MTMR10: variants seen among roughly 807,000 people sequenced by gnomAD.
MTMR10 encodes myotubularin-related protein 10.
A neutral mutation model predicts 88.1 loss-of-function variants in MTMR10; 56 were observed. The ratio of observed to expected loss-of-function variants is 0.64; its 90% confidence interval spans 0.51 to 0.79. The LOEUF (loss-of-function observed/expected upper bound fraction) is 0.79, where lower values mean the gene tolerates loss of function less well. Ranked by LOEUF, MTMR10 falls within the 30% of genes least tolerant of loss-of-function variation. The pLI, the probability that MTMR10 is intolerant of heterozygous loss-of-function variation, is 0.00. For synonymous variants in MTMR10, 380 were observed against 340.9 expected, an observed-to-expected ratio of 1.11 and a Z score of -1.26; for missense variants, 883 against 924.7, an observed-to-expected ratio of 0.95 and a Z score of 0.58.
rs749397412 is a variant in MTMR10 at position 30,990,792 on chromosome 15, G to A, written c.106C>T (p.Pro36Ser). The A allele has an allele frequency of 6.2e-7, 1 of 1,610,012 alleles. No homozygotes were observed. The highest frequency in any genetic ancestry group is 8.5e-7 in the Non-Finnish European group (1 of 1,178,062). Reference protein sequence around the residue: ...NSEPKIKKLEPVLLPGEIVVN... With the variant: ...NSEPKIKKLESVLLPGEIVVN... ...TAATGTTTACCTGGCAAAAGGACTG[G>A]CTCCAGTTTTTTAATCTTCGGTTCC... Residue 36 changes from proline (P) to serine (S), a missense_variant, in exon 2 of 16, where the codon CCA (proline) becomes TCA (serine). Pro to Ser is a moderately conservative substitution (Grantham distance 74). Coordinates refer to ENST00000435680, the MANE Select transcript of MTMR10 (RefSeq NM_017762.3).
chr15:30,925,887 C>G, the MTMR10 span: 4 of 1,614,208 alleles, frequency 2.5e-6, no homozygotes, highest in Non-Finnish European at 3.4e-6. Context: ...CGGTCCTGTG[C>G]TCTGTGGAGG....
intron 14 of MTMR10, chr15:30,943,288 G>A (rs1462691244): frequency 1.0e-6 from 1 of 985,228 alleles, no homozygotes; most frequent in Admixed American, 6.2e-5. Flanking sequence ...TGCTTTTCAG[G>A]TGCCCTCTGC....
the MTMR10 span, among the ~76,000 whole-genome samples, chr15:30,929,664 AAT>A: frequency 1.0e-4 from 7 of 67,874 alleles, no homozygotes; most frequent in South Asian, 4.2e-4. Flanking sequence ...TAATATATGA[AAT>A]ATATAATATA....
intron 6 of MTMR10, 54 bp from the exon 7 acceptor site, chr15:30,961,127 CCCT>C: frequency 6.7e-7 from 1 of 1,500,336 alleles, no homozygotes; most frequent in Non-Finnish European, 8.9e-7. Flanking sequence ...CCCCAGCATT[CCCT>C]CTTCTCTGAG....
chr15:30,923,794 A>G, the MTMR10 span, among the ~76,000 whole-genome samples: 1 of 152,048 alleles, frequency 6.6e-6, no homozygotes, highest in African/African-American at 2.4e-5. Flanking sequence ...CTGATTTTCA[A>G]TTTCTTGGTT....
chr15:30,990,399 G>A (rs951135388), intron 2 of MTMR10, among the ~76,000 whole-genome samples: 1 of 152,182 alleles, frequency 6.6e-6, no homozygotes, highest in Admixed American at 6.5e-5. Context: ...CAATTGCCAA[G>A]CAAGTAATTC....
intron 2 of MTMR10, among the ~76,000 whole-genome samples, chr15:30,978,362 T>G (rs868838656): frequency 6.6e-5 from 10 of 152,310 alleles, no homozygotes; most frequent in Non-Finnish European, 1.2e-4. Context: ...TGGCACAGGG[T>G]AGGTGCCTGT....
intron 14 of MTMR10, chr15:30,946,276 G>A (rs1203660169): frequency 6.5e-6 from 1 of 154,576 alleles, no homozygotes; most frequent in Non-Finnish European, 1.4e-5. Context: ...AGGAAAATTT[G>A]CATAATGATT....
At chr15:30,980,564 G>C (rs2030498150) in intron 2 of MTMR10, among the ~76,000 whole-genome samples, 1 of 152,208 alleles carries the variant, frequency 6.6e-6, no homozygotes, top group Non-Finnish European at 1.5e-5. Context: ...TAAAAGCAGT[G>C]ACGCTCCAGC....
chr15:30,951,072 A>G (rs2959055), intron 12 of MTMR10, among the ~76,000 whole-genome samples: 119,192 of 152,018 alleles, frequency 0.78, 47,396 homozygotes, highest in East Asian at 0.97. Flanking sequence ...GGTACAAAGG[A>G]CCTACTACTG....
rs571559856 is a variant in MTMR10, at chr15:30,941,360, A to G, written c.*110T>C. ...TTAAATATTAGTGCAAATTCCAACT[A>G]TTATTCTTACATATAAAGTTATTAG... On this transcript the variant is annotated 3_prime_UTR_variant, in exon 16 of 16. Coordinates refer to ENST00000435680, the MANE Select transcript of MTMR10 (RefSeq NM_017762.3). The G allele has an allele frequency of 2.0e-6, 3 of 1,537,766 alleles. No homozygotes were observed. In the South Asian group the frequency reaches 3.6e-5, roughly 19 times the overall value.
chr15:30,943,653 C>CAG (rs2063120992), intron 14 of MTMR10: 1 of 985,312 alleles, frequency 1.0e-6, no homozygotes, highest in Non-Finnish European at 1.2e-6. Context: ...ACCATGTACA[C>CAG]AGGAGACCCC....
chr15:30,930,398 C>A, the MTMR10 span: 1 of 896,586 alleles, frequency 1.1e-6, no homozygotes, highest in Non-Finnish European at 1.6e-6. Flanking sequence ...CTGGTACAAG[C>A]AGCAGAACAG....
chr15:30,943,336 A>G (rs999089522), intron 14 of MTMR10: 2 of 985,242 alleles, frequency 2.0e-6, no homozygotes, highest in African/African-American at 3.5e-5. Flanking sequence ...TTGGGCAATA[A>G]GAATGTTATT....
the MTMR10 span, among the ~76,000 whole-genome samples, chr15:30,922,665 G>A: frequency 6.6e-6 from 1 of 152,202 alleles, no homozygotes; most frequent in Non-Finnish European, 1.5e-5. Context: ...TGACTCAGCC[G>A]TCAGCAAGTC....
the MTMR10 span, chr15:30,928,487 G>C: frequency 6.3e-7 from 1 of 1,576,328 alleles, no homozygotes. Context: ...TGTTTTGGAA[G>C]AAACAGATAA....
At chr15:30,947,856 G>A (rs1008088290) in intron 13 of MTMR10, among the ~76,000 whole-genome samples, 25 of 152,154 alleles carry the variant, frequency 1.6e-4, no homozygotes, top group African/African-American at 3.9e-4. Context: ...CTGCCTGGCC[G>A]GTAAGATATT....
intron 9 of MTMR10, 46 bp downstream of exon 9, chr15:30,958,817 C>A (rs774721854): frequency 1.3e-6 from 2 of 1,587,630 alleles, no homozygotes; most frequent in Non-Finnish European, 1.7e-6. Context: ...TGTAGTTACA[C>A]AACAAGTAAA....
At chr15:30,918,905 C>A in the MTMR10 span, among the ~76,000 whole-genome samples, 1 of 152,096 alleles carries the variant, frequency 6.6e-6, no homozygotes, top group Non-Finnish European at 1.5e-5. Flanking sequence ...GGGTACCGAC[C>A]CCTCAGACAG....
Sources: allele counts gnomAD v4.1 joint callset (sites outside exome capture counted in the v4.1 genomes callset), GRCh38; gene constraint gnomAD v4.1.1; transcripts MANE v1.5; gene names NCBI Gene and HGNC (gene_info 2026-07-23, HGNC 2026-07-21).